The following MASP1 variants were observed in gnomAD, a reference collection of about 807,000 sequenced individuals.
The protein encoded by MASP1 is mannan-binding lectin serine protease 1.
In MASP1, 59 loss-of-function variants were observed where a neutral mutation model predicts 77.1. That is an observed-to-expected ratio of 0.77 (90% confidence interval 0.62 to 0.95). The LOEUF is 0.95. Ranked by LOEUF, MASP1 falls within the 40% of genes least tolerant of loss-of-function variation. The pLI is 0.00. For synonymous variants in MASP1, 362 were observed against 354.5 expected (o/e 1.02, Z -0.24); for missense variants, 885 against 912.9 (o/e 0.97, Z 0.39).
In MASP1 at chr3:187,236,376, G is replaced by T. The variant is rs1171315888; in HGVS notation, c.1495C>A (p.Leu499Met). 5 of 1,614,130 alleles carry T rather than the reference G, an allele frequency of 3.1e-6. No homozygotes were observed. Among genetic ancestry groups the T allele is most frequent in the Non-Finnish European group, 4.2e-6 (5 of 1,180,060 alleles). Residue 499 changes from leucine to methionine, a missense_variant, in exon 11 of 11, where the codon CTG (leucine) becomes ATG (methionine). By Grantham distance (15) the Leu-to-Met change is conservative. Coordinates refer to ENST00000296280, the MANE Select transcript of MASP1 (RefSeq NM_139125.4). ...GTGGTGTCTCTACGCTGGGAGCGCA[G>T]CACATGAGCTGCTGTGAGGATCCAG... ...ASWILTAAHVLRSQRRDTTVI... is the reference protein window; with the variant it reads ...ASWILTAAHVMRSQRRDTTVI...
downstream of MASP1, among the ~76,000 whole-genome samples, chr3:187,230,420 A>G (rs1712697254): frequency 6.6e-6 from 1 of 152,234 alleles, no homozygotes; most frequent in East Asian, 1.9e-4. Flanking sequence ...TGATCTAATT[A>G]TATGTGAAGC....
intron 2 of MASP1, among the ~76,000 whole-genome samples, chr3:187,277,690 C>T (rs1717071094): frequency 6.6e-6 from 1 of 152,198 alleles, no homozygotes; most frequent in South Asian, 2.1e-4. Flanking sequence ...CCTGGCTTTC[C>T]TGCAGAGACT....
At chr3:187,228,982 A>G (rs569090714) in intron 11 of MASP1, among the ~76,000 whole-genome samples, 2 of 152,322 alleles carry the variant, frequency 1.3e-5, no homozygotes, top group African/African-American at 4.8e-5. Context: ...AGGCATGCCC[A>G]TCAGCCTGGG....
Position 187,253,429 on chromosome 3 carries a change from T to G in MASP1, c.745-114A>C, listed in dbSNP as rs551130328. ...TCTGGGTTTTCTGGAAGCTTCCATA[T>G]GAACCCTTGGTATTCACTTAGGTTT... On this transcript the variant is annotated intron_variant, in intron 5 of 10. Coordinates refer to ENST00000296280, the MANE Select transcript of MASP1 (RefSeq NM_139125.4). 483 of 1,058,648 alleles carry G rather than the reference T, an allele frequency of 4.6e-4. 4 individuals carry two copies. The South Asian group carries it at 5.9e-3, about 13-fold the overall frequency. 65.6% of individuals were successfully genotyped at this position (1,058,648 alleles called of 1,614,324 possible).
chr3:187,238,737 C>A (rs936135838), intron 10 of MASP1, among the ~76,000 whole-genome samples: 1 of 152,180 alleles, frequency 6.6e-6, no homozygotes. Context: ...CTGCCCCTGA[C>A]TTTCTACAAG....
At chr3:187,273,598 A>G (rs1716711298) in intron 2 of MASP1, among the ~76,000 whole-genome samples, 1 of 152,180 alleles carries the variant, frequency 6.6e-6, no homozygotes, top group African/African-American at 2.4e-5. Context: ...ACCTTCACGG[A>G]AAGTCCATCA....
At chr3:187,259,645 C>T (rs1177775587) in intron 4 of MASP1, among the ~76,000 whole-genome samples, 4 of 152,024 alleles carry the variant, frequency 2.6e-5, no homozygotes, top group Admixed American at 6.6e-5. Context: ...AGAACTTAAC[C>T]GAATAAAAAA....
At chr3:187,260,605 A>G (rs779824874) in intron 4 of MASP1, 136 bp downstream of exon 4, 310 of 1,205,538 alleles carry the variant, frequency 2.6e-4, no homozygotes, top group Non-Finnish European at 3.5e-4. Flanking sequence ...ATCTTCATCC[A>G]TGTGGTGTCT....
chr3:187,234,473 A>C lies in MASP1; in HGVS notation c.*1211T>G, dbSNP rs1267204942. 1 of 1,285,960 alleles carries C rather than the reference A, an allele frequency of 7.8e-7. No individual in the cohort carries two copies. 79.7% of individuals were successfully genotyped at this position (1,285,960 alleles called of 1,614,324 possible). A position where few individuals can be genotyped will look rare whatever the true frequency, so the allele number is the denominator to read the frequency against. Reference sequence around the variant, plus strand: ...TGACGGAGAACCAGAGACTCAGACAAAGAAAATGATTTTTCAAAGGTTATA... The same window carrying C: ...TGACGGAGAACCAGAGACTCAGACACAGAAAATGATTTTTCAAAGGTTATA... On this transcript the variant is annotated 3_prime_UTR_variant, in exon 11 of 11. Transcript: ENST00000296280.
At chr3:187,226,379 G>T in intron 12 of MASP1, 1 of 1,511,376 alleles carries the variant, frequency 6.6e-7, no homozygotes. Flanking sequence ...GCTGGCTTTG[G>T]GAGTCAGCTT....
chr3:187,253,829 G>A (rs1714838894), intron 5 of MASP1, among the ~76,000 whole-genome samples: 1 of 151,976 alleles, frequency 6.6e-6, no homozygotes. Flanking sequence ...CACACACCAG[G>A]GCCTGTCAGG....
At chr3:187,271,935 T>A (rs917052892) in intron 2 of MASP1, among the ~76,000 whole-genome samples, 1 of 152,186 alleles carries the variant, frequency 6.6e-6, no homozygotes, top group Non-Finnish European at 1.5e-5. Flanking sequence ...GAAAAAGAGA[T>A]CTTTGCTTCA....
intron 6 of MASP1, among the ~76,000 whole-genome samples, chr3:187,252,611 G>A (rs780616939): frequency 2.0e-4 from 30 of 152,282 alleles, no homozygotes; most frequent in Non-Finnish European, 3.4e-4. Flanking sequence ...TTTTGTCACT[G>A]ATGTTCACCC....
At position 187,228,285 on chromosome 3, in the gene MASP1, C is replaced by CAA. The variant is rs57929155; in HGVS notation, c.1441+1473_1441+1474dup. Among the ~76,000 whole-genome samples the CAA allele has an allele frequency of 2.4e-3, 248 of 101,814 alleles. 1 individual carries two copies. The highest frequency in any genetic ancestry group is 7.1e-3 in the Admixed American group (70 of 9,886). The allele number at this position is 101,814 out of a possible 152,430, so 66.8% of individuals were successfully genotyped here. ...CTGGTGACAGAATGAGACTCCGTCTCAAAAAAAAAAAAAAAAAATCAAGGT... is the reference window on the plus strand; with the variant it reads ...CTGGTGACAGAATGAGACTCCGTCTCAAAAAAAAAAAAAAAAAAAATCAAGGT... On this transcript the variant is annotated intron_variant, in intron 11 of 15. Coordinates refer to the MASP1 transcript ENST00000337774.
At chr3:187,231,106 A>C (rs903696987), downstream of MASP1, among the ~76,000 whole-genome samples, 1 of 152,228 alleles carries the variant, frequency 6.6e-6, no homozygotes, top group South Asian at 2.1e-4. Context: ...CTCAGAGCCC[A>C]ATGAGTGGGA....
At chr3:187,226,550 C>T (rs1168948744) in intron 11 of MASP1, 3 of 1,478,578 alleles carry the variant, frequency 2.0e-6, no homozygotes, top group East Asian at 2.4e-5. Flanking sequence ...TCTCATCGTC[C>T]TGCACTACTG....
chr3:187,241,431 AG>A, intron 10 of MASP1, 49 bp downstream of exon 10: 2 of 1,499,446 alleles, frequency 1.3e-6, no homozygotes, highest in Middle Eastern at 1.7e-4. Flanking sequence ...CTGGGGTCCT[AG>A]GGCCTTGGAT....
chr3:187,268,227 A>G (rs1313749603), intron 2 of MASP1, among the ~76,000 whole-genome samples: 1 of 152,204 alleles, frequency 6.6e-6, no homozygotes, highest in Non-Finnish European at 1.5e-5. Flanking sequence ...CATACCTGTA[A>G]TCTCAGAAAT....
At chr3:187,266,856 T>C (rs531371636) in intron 2 of MASP1, among the ~76,000 whole-genome samples, 31 of 152,220 alleles carry the variant, frequency 2.0e-4, no homozygotes, top group African/African-American at 7.2e-4. Context: ...AGCTACTCTA[T>C]GGAAGAACAG....
Sources: allele counts gnomAD v4.1 joint callset (sites outside exome capture counted in the v4.1 genomes callset), GRCh38; gene constraint gnomAD v4.1.1; transcripts MANE v1.5; gene names NCBI Gene and HGNC (gene_info 2026-07-23, HGNC 2026-07-21).